Variants in ANKRD28 observed in about 807,000 individuals in gnomAD.
ANKRD28 encodes the protein serine/threonine-protein phosphatase 6 regulatory ankyrin repeat subunit A.
A neutral mutation model predicts 126.5 loss-of-function variants in ANKRD28; 44 were observed. The observed-to-expected ratio is 0.35, with a 90% confidence interval of 0.27 to 0.45. The LOEUF (loss-of-function observed/expected upper bound fraction) is 0.45. ANKRD28 is among the 20% of genes least tolerant of loss of function. ANKRD28 has a pLI of 1.00. For missense variants in ANKRD28, 1,110 were observed against 1,316.6 expected (o/e 0.84, Z 2.43); for synonymous variants, 442 against 468.5 (o/e 0.94, Z 0.73).
chr3:15,851,844 T>A (rs1030487557), intron 1 of ANKRD28, among the ~76,000 whole-genome samples: 1 of 152,172 alleles, frequency 6.6e-6, no homozygotes, highest in Non-Finnish European at 1.5e-5. Context: ...AATGTTTGTA[T>A]CAGCATAACA....
chr3:15,801,997 G>C (rs1190615838), upstream of ANKRD28, among the ~76,000 whole-genome samples: 3 of 152,158 alleles, frequency 2.0e-5, no homozygotes, highest in Non-Finnish European at 4.4e-5. The surrounding 1 kb of genome is among the most constrained non-coding windows in gnomAD (Gnocchi z 4.9). Context: ...CAGATTGTTA[G>C]CACATTCTAA....
upstream of ANKRD28, among the ~76,000 whole-genome samples, chr3:15,799,238 A>G (rs1271501768): frequency 6.6e-6 from 1 of 152,014 alleles, no homozygotes; most frequent in Non-Finnish European, 1.5e-5. Context: ...TAACAAAGGA[A>G]TATACTATTT....
At chr3:15,757,117 T>C (rs942793958) in intron 3 of ANKRD28, among the ~76,000 whole-genome samples, 5 of 152,246 alleles carry the variant, frequency 3.3e-5, no homozygotes, top group Non-Finnish European at 7.3e-5. Context: ...GTGTTTTCTC[T>C]TTATGATTTT....
intron 14 of ANKRD28, among the ~76,000 whole-genome samples, chr3:15,706,711 A>T (rs987891276): frequency 1.3e-5 from 2 of 152,140 alleles, no homozygotes; most frequent in African/African-American, 4.8e-5. Context: ...CACCAACAGT[A>T]TAAAAGTGTT....
At position 15,814,306 on chromosome 3, in the gene ANKRD28, A is replaced by G; in HGVS notation, c.28-19000T>C. On this transcript the variant is annotated intron_variant, in intron 1 of 27. Transcript: ENST00000399451. This position sits in a 1 kb window ranked among gnomAD's most constrained non-coding sequence, Gnocchi z 4.7. ...GTTGTACTGTTTCAATTCCAATCAC[A>G]GGCCTGTAGCAGAAAACAGATATCA... 7.8e-7 allele frequency: 1 copy of G among 1,275,078 alleles called. No individual in the cohort carries two copies. The highest frequency in any genetic ancestry group is 1.3e-5 in the South Asian group (1 of 77,986). The allele number at this position is 1,275,078 out of a possible 1,614,324, so 79.0% of individuals were successfully genotyped here. A position where few individuals can be genotyped will look rare whatever the true frequency, so the allele number is the denominator to read the frequency against.
At chr3:15,807,856 A>G (rs913833568) in intron 1 of ANKRD28, among the ~76,000 whole-genome samples, 4 of 152,258 alleles carry the variant, frequency 2.6e-5, no homozygotes, top group African/African-American at 9.6e-5. Flanking sequence ...AAATGTTTCA[A>G]TATAAGATAA....
At position 15,694,843 on chromosome 3, in the gene ANKRD28, G is replaced by A. The variant is rs139623296; in HGVS notation, c.1687-30C>T. ...AAAAGAAGAGGCATTTTAAATGTCA[G>A]AAAGACATACTACAGCAATTATTCT... On this transcript the variant is annotated intron_variant, in intron 16 of 27. Coordinates refer to ENST00000683139, the MANE Select transcript of ANKRD28 (RefSeq NM_001349278.2). 1.8e-5 allele frequency: 28 copies of A among 1,594,612 alleles called. No homozygotes were observed. In the East Asian group the frequency reaches 4.7e-4, roughly 27 times the overall value.
intron 1 of ANKRD28, among the ~76,000 whole-genome samples, chr3:15,823,753 G>A (rs1167926073): frequency 6.6e-6 from 1 of 152,210 alleles, no homozygotes; most frequent in African/African-American, 2.4e-5. Context: ...GGAATGTAAG[G>A]GTGGTTGTAC....
intron 6 of ANKRD28, among the ~76,000 whole-genome samples, chr3:15,725,570 T>C (rs1196285333): frequency 2.7e-5 from 4 of 147,834 alleles, no homozygotes; most frequent in African/African-American, 5.0e-5. Flanking sequence ...AGCAAGTCTA[T>C]TGGCATCATT....
intron 27 of ANKRD28, among the ~76,000 whole-genome samples, chr3:15,675,577 G>T (rs1377819824): frequency 6.6e-6 from 1 of 152,136 alleles, no homozygotes; most frequent in Non-Finnish European, 1.5e-5. Context: ...CTTTAAATAA[G>T]AATATTAGTA....
At chr3:15,859,059 A>G (rs2061840331) in intron 1 of ANKRD28, among the ~76,000 whole-genome samples, 1 of 152,058 alleles carries the variant, frequency 6.6e-6, no homozygotes, top group Non-Finnish European at 1.5e-5. Flanking sequence ...GTTAGGCCCG[A>G]GCCTCACCTG....
intron 1 of ANKRD28, among the ~76,000 whole-genome samples, chr3:15,844,532 T>A (rs1575811581): frequency 6.6e-6 from 1 of 152,094 alleles, no homozygotes; most frequent in South Asian, 2.1e-4. Context: ...AAAGGGTTCA[T>A]GTGATTTTGT....
chr3:15,805,289 C>T, intron 1 of ANKRD28, among the ~76,000 whole-genome samples: 1 of 152,084 alleles, frequency 6.6e-6, no homozygotes. Context: ...TGTAGTACTG[C>T]ATTTAAGTAA....
rs1370029875 is a variant in ANKRD28, at chr3:15,817,961, A to G, written c.28-22655T>C. Among the ~76,000 whole-genome samples the G allele has an allele frequency of 6.6e-6, 1 of 152,222 alleles. No homozygotes were observed. Among genetic ancestry groups the G allele is most frequent in the Non-Finnish European group, 1.5e-5 (1 of 68,044 alleles). ...ACCATTGCTGTTTCTACATACTACC[A>G]ATGAACAACTGGAAATCAAAACAAA... On this transcript the variant is annotated intron_variant, in intron 1 of 27. Coordinates refer to the ANKRD28 transcript ENST00000399451. The surrounding 1 kb of genome is among the most constrained non-coding windows in gnomAD (Gnocchi z 4.5).
chr3:15,670,435 G>A lies in ANKRD28; in HGVS notation c.3087C>T (p.Ala1029=). 6 of 1,613,940 alleles carry A rather than the reference G, an allele frequency of 3.7e-6. No homozygotes were observed. Among genetic ancestry groups the A allele is most frequent in the Non-Finnish European group, 5.1e-6 (6 of 1,179,866 alleles). ...TTGAGGTGTTGGTATAACGGTTAAT[G>A]GCATTGAATGTTAAGGATGATAAAG... ...SSPLSSLTFN[A]INRYTNTSKT... The change falls in exon 28 of 28, where the codon GCC becomes GCT. Residue 1029 remains alanine (A), a synonymous_variant. Transcript: ENST00000683139.
chr3:15,798,588 T>A (rs911717658), upstream of ANKRD28, among the ~76,000 whole-genome samples: 5 of 152,020 alleles, frequency 3.3e-5, no homozygotes, highest in Non-Finnish European at 7.4e-5. Context: ...AATAAAATAA[T>A]CCTACCTTCC....
chr3:15,714,533 A>G (rs1166824857), intron 9 of ANKRD28, 45 bp downstream of exon 9: 5 of 912,008 alleles, frequency 5.5e-6, no homozygotes, highest in Admixed American at 5.7e-5. Flanking sequence ...TACATTTAAG[A>G]AAAAAAAAAA....
chr3:15,819,763 T>C (rs1172774218), intron 1 of ANKRD28, among the ~76,000 whole-genome samples: 1 of 152,196 alleles, frequency 6.6e-6, no homozygotes, highest in Non-Finnish European at 1.5e-5. Flanking sequence ...AACAGATACA[T>C]TTTACTCTGC....
intron 7 of ANKRD28, among the ~76,000 whole-genome samples, chr3:15,721,661 A>G (rs2073746966): frequency 6.6e-6 from 1 of 152,240 alleles, no homozygotes; most frequent in South Asian, 2.1e-4. Flanking sequence ...GGCTCTAAAT[A>G]TCTTCCAGTG....
Sources: gnomAD v4.1 joint callset for allele counts (sites outside exome capture counted in the v4.1 genomes callset) on GRCh38, gnomAD v4.1.1 for gene constraint, Gnocchi (gnomAD v3.1) non-coding constraint, MANE v1.5 for transcripts, NCBI Gene and HGNC (gene_info 2026-07-23, HGNC 2026-07-21) for gene names.